Variants in CSMD1 observed in about 807,000 individuals in gnomAD.
CSMD1 encodes CUB and sushi domain-containing protein 1.
A neutral mutation model predicts 417.5 loss-of-function variants in CSMD1; 213 were observed. The observed-to-expected ratio is 0.51, with a 90% CI of 0.46 to 0.57. The LOEUF (loss-of-function observed/expected upper bound fraction) is 0.57, where lower values mean the gene tolerates loss of function less well. CSMD1 is among the 20% of genes least tolerant of loss of function. CSMD1 has a pLI of 0.00. For synonymous variants in CSMD1, 2,862 were observed against 1,736.8 expected, an observed-to-expected ratio of 1.65 and a Z score of -16.11; for missense variants, 6,923 against 4,529.7, an observed-to-expected ratio of 1.53 and a Z score of -15.17.
intron 1 of CSMD1, among the ~76,000 whole-genome samples, chr8:4,899,533 G>A (rs762351917): frequency 6.6e-6 from 1 of 152,102 alleles, no homozygotes; most frequent in East Asian, 1.9e-4. Flanking sequence ...AAGCAAATGA[G>A]CGTATCTATA....
chr8:4,809,266 G>C (rs1439708953), intron 1 of CSMD1, among the ~76,000 whole-genome samples: 1 of 152,108 alleles, frequency 6.6e-6, no homozygotes, highest in Admixed American at 6.6e-5. Flanking sequence ...CTAATGAAGG[G>C]CAATAAGAAA....
Position 3,987,830 on chromosome 8 carries a change from T to C in CSMD1, c.818+10073A>G, listed in dbSNP as rs1022112206. Among the ~76,000 whole-genome samples, 3 of 152,192 alleles carry C rather than the reference T, an allele frequency of 2.0e-5. No homozygotes were observed. The East Asian group carries it at 5.8e-4, about 29-fold the overall frequency. ...TTATCCAAACCCATAGTTCCAGATGTTAATTGACAGCCTGCCAAAAAGAAA... is the reference window on the plus strand; with the variant it reads ...TTATCCAAACCCATAGTTCCAGATGCTAATTGACAGCCTGCCAAAAAGAAA... On this transcript the variant is annotated intron_variant, in intron 5 of 69. Coordinates refer to ENST00000635120, the MANE Select transcript of CSMD1 (RefSeq NM_033225.6).
At chr8:3,926,053 T>TACACACACACACACAAACACCATACAC (rs1809656989) in intron 5 of CSMD1, among the ~76,000 whole-genome samples, 10 of 87,892 alleles carry the variant, frequency 1.1e-4, no homozygotes, top group Admixed American at 1.1e-3. Context: ...AAACACCATA[T>TACACACACACACACAAACACCATACAC]ACACACACAC....
chr8:3,984,613 T>C (rs1394315318), intron 5 of CSMD1, among the ~76,000 whole-genome samples: 1 of 149,584 alleles, frequency 6.7e-6, no homozygotes, highest in Non-Finnish European at 1.5e-5. Flanking sequence ...AAAATACAGC[T>C]AGGGGTTTCA....
intron 1 of CSMD1, among the ~76,000 whole-genome samples, chr8:4,657,768 T>C (rs1456232085): frequency 7.0e-6 from 1 of 143,504 alleles, no homozygotes; most frequent in Non-Finnish European, 1.5e-5. Context: ...TTTGAATTAG[T>C]AGAAAAAGAC....
At chr8:3,674,350 T>C (rs1048090490) in intron 7 of CSMD1, among the ~76,000 whole-genome samples, 3 of 152,146 alleles carry the variant, frequency 2.0e-5, no homozygotes, top group Non-Finnish European at 2.9e-5. Flanking sequence ...AATCTGAAGA[T>C]TAACAAATTA....
intron 41 of CSMD1, among the ~76,000 whole-genome samples, chr8:3,119,522 G>C (rs1054646449): frequency 3.3e-5 from 5 of 151,448 alleles, no homozygotes; most frequent in African/African-American, 9.7e-5. Flanking sequence ...CTCCAGGTAA[G>C]ACAAGAGATA....
chr8:4,235,228 A>G lies in CSMD1; in HGVS notation c.415+184725T>C, dbSNP rs1801974268. Among the ~76,000 whole-genome samples, 5 of 152,354 alleles carry G rather than the reference A, an allele frequency of 3.3e-5. No individual in the cohort carries two copies. The South Asian group carries it at 1.0e-3, about 32-fold the overall frequency. ...AGAATGGACCAAGGGTGCAAAAAAG[A>G]AAACGAACAACATCATTTTTGTTAG... is the stretch of plus-strand genomic sequence containing the variant. On this transcript the variant is annotated intron_variant, in intron 3 of 69. Transcript: ENST00000635120.
At chr8:3,180,485 T>C (rs1821254793) in intron 37 of CSMD1, among the ~76,000 whole-genome samples, 1 of 152,180 alleles carries the variant, frequency 6.6e-6, no homozygotes, top group Non-Finnish European at 1.5e-5. Flanking sequence ...ATTTTTTAAT[T>C]ACTCATAAAA....
chr8:4,649,041 C>G (rs1803715689), intron 1 of CSMD1, among the ~76,000 whole-genome samples: 1 of 152,320 alleles, frequency 6.6e-6, no homozygotes, highest in Non-Finnish European at 1.5e-5. Context: ...CCGAGAAACT[C>G]TTCTTGTAGG....
At chr8:3,198,798 G>C (rs1796837223) in intron 33 of CSMD1, among the ~76,000 whole-genome samples, 3 of 152,080 alleles carry the variant, frequency 2.0e-5, no homozygotes, top group Admixed American at 2.0e-4. Flanking sequence ...TTTTCTGGAG[G>C]AATCTTTATT....
At chr8:3,286,540 C>T (rs899243407) in intron 25 of CSMD1, among the ~76,000 whole-genome samples, 26 of 152,212 alleles carry the variant, frequency 1.7e-4, no homozygotes, top group Admixed American at 1.6e-3. Flanking sequence ...GAGATGGTAT[C>T]TCATTGTGGT....
chr8:4,697,489 AT>A (rs2116798162), intron 1 of CSMD1, among the ~76,000 whole-genome samples: 1 of 152,298 alleles, frequency 6.6e-6, no homozygotes, highest in East Asian at 1.9e-4. Flanking sequence ...GGTATAACAT[AT>A]TCCTTTGGCT....
At chr8:4,530,163 T>G (rs1395472336) in intron 2 of CSMD1, among the ~76,000 whole-genome samples, 1 of 151,900 alleles carries the variant, frequency 6.6e-6, no homozygotes, top group African/African-American at 2.4e-5. Context: ...TCTGCCCACC[T>G]CAGCCTCCCA....
chr8:3,353,406 A>C (rs977710970), intron 21 of CSMD1, among the ~76,000 whole-genome samples: 7 of 152,186 alleles, frequency 4.6e-5, no homozygotes, highest in African/African-American at 1.7e-4. Context: ...ATACCACCAA[A>C]TAGCTCGCAT....
intron 1 of CSMD1, among the ~76,000 whole-genome samples, chr8:4,760,222 G>A (rs1247443723): frequency 6.6e-6 from 1 of 152,152 alleles, no homozygotes; most frequent in African/African-American, 2.4e-5. Flanking sequence ...ATTATCTATT[G>A]TTATATGCAC....
At chr8:3,847,685 G>C (rs1290971083) in intron 5 of CSMD1, among the ~76,000 whole-genome samples, 3 of 151,994 alleles carry the variant, frequency 2.0e-5, no homozygotes, top group African/African-American at 7.2e-5. Flanking sequence ...TTGCTACTCA[G>C]CCATGGAAAA....
chr8:3,723,765 G>C (rs1043498878), intron 6 of CSMD1, among the ~76,000 whole-genome samples: 33 of 152,116 alleles, frequency 2.2e-4, no homozygotes, highest in Admixed American at 2.1e-3. Flanking sequence ...ACTAACATTT[G>C]AAAGAGATGC....
rs562999082 is a variant in CSMD1, at chr8:4,344,567, T to G, written c.415+75386A>C. Among the ~76,000 whole-genome samples, 237 of 150,932 alleles carry G rather than the reference T, an allele frequency of 1.6e-3. 1 individual carries two copies. The highest frequency in any genetic ancestry group is 5.5e-3 in the African/African-American group (228 of 41,338). On this transcript the variant is annotated intron_variant, in intron 3 of 69. Transcript: ENST00000635120. ...GTATATAAGAATATAAATATATACA[T>G]ATATAAGTATATATATGACAATGAC...
Sources: allele counts gnomAD v4.1 joint callset (sites outside exome capture counted in the v4.1 genomes callset), GRCh38; gene constraint gnomAD v4.1.1; transcripts MANE v1.5; gene names NCBI Gene and HGNC (gene_info 2026-07-23, HGNC 2026-07-21).